The following AHRR variants were observed in gnomAD, a reference collection of about 807,000 sequenced individuals.
AHRR encodes the protein ahR repressor.
Under a neutral mutation model 44.0 loss-of-function variants are expected in AHRR, and 28 were observed. That is an observed-to-expected ratio of 0.64 (90% CI 0.47 to 0.87). The LOEUF (loss-of-function observed/expected upper bound fraction) is 0.87. Among genes scored for constraint, AHRR ranks in the 40% least tolerant of loss-of-function variants. AHRR has a pLI of 0.00. For missense variants in AHRR, 990 were observed against 953.9 expected, an observed-to-expected ratio of 1.04 and a Z score of -0.50; for synonymous variants, 434 against 407.0, an observed-to-expected ratio of 1.07 and a Z score of -0.80.
In AHRR at chr5:370,329, CCA is replaced by C. The variant is rs1743531102; in HGVS notation, c.245-6278_245-6277del. Among the ~76,000 whole-genome samples the C allele has an allele frequency of 6.6e-6, 1 of 152,330 alleles. No homozygotes were observed. The highest frequency in any genetic ancestry group is 1.9e-4 in the East Asian group (1 of 5,172). On this transcript the variant is annotated intron_variant, in intron 3 of 10. Coordinates refer to ENST00000684583, the MANE Select transcript of AHRR (RefSeq NM_001377236.1). The surrounding 1 kb of genome is among the most constrained non-coding windows in gnomAD (Gnocchi z 4.5). ...TACGGTTGTGCAGCATTTCCTGGAT[CCA>C]CAGTCAGGTCAGGCAATTCTGGGGC...
At position 434,119 on chromosome 5, in the gene AHRR, A is replaced by C; in HGVS notation, c.1379A>C (p.Tyr460Ser). 2 of 1,612,358 alleles carry C rather than the reference A, an allele frequency of 1.2e-6. No individual in the cohort carries two copies. Among genetic ancestry groups the C allele is most frequent in the Non-Finnish European group, 1.7e-6 (2 of 1,179,732 alleles). Residue 460 changes from tyrosine (Y) to serine (S), a missense_variant, in exon 11 of 11, where the codon TAC (tyrosine) becomes TCC (serine). Coordinates refer to ENST00000684583, the MANE Select transcript of AHRR (RefSeq NM_001377236.1). Reference protein sequence around the residue: ...SHPPSPSPSAYSSRTSRPMRD... With the variant: ...SHPPSPSPSASSSRTSRPMRD... ...CCGCCGAGCCCGTCCCCCAGTGCCT[A>C]CTCCAGCCGGACCAGCAGACCCATG...
At chr5:417,467 G>A (rs1735880421) in intron 5 of AHRR, among the ~76,000 whole-genome samples, 3 of 152,294 alleles carry the variant, frequency 2.0e-5, no homozygotes, top group Admixed American at 1.3e-4. Flanking sequence ...TGCAGGGCCC[G>A]AGTCTAGAGA....
rs1161436489 is a variant in AHRR at position 344,656 on chromosome 5, G to T, written c.62+692G>T. Among the ~76,000 whole-genome samples, 2 of 1,600 alleles carry T rather than the reference G, an allele frequency of 1.3e-3. 1 individual carries two copies. The highest frequency in any genetic ancestry group is 0.01 in the Admixed American group (2 of 200). 1.0% of individuals were successfully genotyped at this position (1,600 alleles called of 152,430 possible). A position where few individuals can be genotyped will look rare whatever the true frequency, so the allele number is the denominator to read the frequency against. ...TGTGTGTGTGAGGCTGTGTGTGCGC[G>T]GGGGGAGCTGTGTGTGTGTGGGTGT... is the stretch of plus-strand genomic sequence containing the variant. On this transcript the variant is annotated intron_variant, in intron 2 of 10. Transcript: ENST00000684583.
In AHRR at chr5:430,962, C is replaced by T. The variant is rs189589407; in HGVS notation, c.909-1501C>T. Among the ~76,000 whole-genome samples, 691 of 145,990 alleles carry T rather than the reference C, an allele frequency of 4.7e-3. 4 individuals are homozygous for T. The highest frequency in any genetic ancestry group is 0.018 in the African/African-American group (658 of 35,626). Reference sequence around the variant, plus strand: ...TGCTACATAGGTGCACAGAAAAGGACCTGGGGTCTCTGCAGGGCTCGGGCC... The same window carrying T: ...TGCTACATAGGTGCACAGAAAAGGATCTGGGGTCTCTGCAGGGCTCGGGCC... On this transcript the variant is annotated intron_variant, in intron 8 of 10. Coordinates refer to ENST00000684583, the MANE Select transcript of AHRR (RefSeq NM_001377236.1).
At chr5:344,863 T>C (rs1362621747) in intron 2 of AHRR, among the ~76,000 whole-genome samples, 1 of 96,004 alleles carries the variant, frequency 1.0e-5, no homozygotes, top group Non-Finnish European at 1.9e-5. Flanking sequence ...TGTGTGAGAC[T>C]GTGCAGGTGT....
intron 3 of AHRR, among the ~76,000 whole-genome samples, chr5:362,480 C>G (rs938902900): frequency 6.6e-6 from 1 of 152,216 alleles, no homozygotes; most frequent in African/African-American, 2.4e-5. Context: ...AACCCTTTCC[C>G]TCACCCCCTT....
At chr5:325,030 G>A (rs1156789207) in intron 1 of AHRR, among the ~76,000 whole-genome samples, 1 of 152,202 alleles carries the variant, frequency 6.6e-6, no homozygotes, top group African/African-American at 2.4e-5. Context: ...GTTGCAGGGC[G>A]AGTAGTCACT....
rs995266107 is a variant in AHRR, at chr5:428,020, G to A, written c.908+14G>A. The A allele has an allele frequency of 6.2e-6, 10 of 1,610,332 alleles. No individual in the cohort carries two copies. Among genetic ancestry groups the A allele is most frequent in the African/African-American group, 1.3e-5 (1 of 74,994 alleles). On this transcript the variant is annotated intron_variant, in intron 8 of 10. Coordinates refer to ENST00000684583, the MANE Select transcript of AHRR (RefSeq NM_001377236.1). ...CGCGGATGCAAAGTGAGTAAGACTCGCCCTTCACAGCCACATGGTGCCTGC... is the reference window on the plus strand; with the variant it reads ...CGCGGATGCAAAGTGAGTAAGACTCACCCTTCACAGCCACATGGTGCCTGC...
chr5:376,568 C>CGCGGGGCG, intron 3 of AHRR, 42 bp from the exon 4 acceptor site: 1 of 204,168 alleles, frequency 4.9e-6, no homozygotes, highest in South Asian at 4.6e-5. Context: ...GTGGCCAGGC[C>CGCGGGGCG]AAGGGTTGGG....
chr5:421,282 G>A, intron 5 of AHRR: 1 of 698,674 alleles, frequency 1.4e-6, no homozygotes, highest in Non-Finnish European at 2.6e-6. Flanking sequence ...GCACGGAACG[G>A]GCGAGGCTGT....
At chr5:329,476 G>A (rs1741840105) in intron 1 of AHRR, among the ~76,000 whole-genome samples, 7 of 152,316 alleles carry the variant, frequency 4.6e-5, no homozygotes, top group Admixed American at 1.3e-4. Flanking sequence ...AAAGTGCTAG[G>A]ATTACAAGTG....
chr5:400,872 T>C (rs1734987375), intron 4 of AHRR, among the ~76,000 whole-genome samples: 1 of 152,244 alleles, frequency 6.6e-6, no homozygotes. Context: ...GAACTATTAT[T>C]AGTAGGACAT....
chr5:423,762 C>G (rs1324866555), intron 6 of AHRR, 79 bp from the exon 7 acceptor site: 1 of 1,505,444 alleles, frequency 6.6e-7, no homozygotes, highest in Non-Finnish European at 8.9e-7. Flanking sequence ...CGCGTGAGAG[C>G]CGTGGGCGTG....
At chr5:348,512 T>G (rs1038127428) in intron 2 of AHRR, among the ~76,000 whole-genome samples, 1 of 152,162 alleles carries the variant, frequency 6.6e-6, no homozygotes, top group Non-Finnish European at 1.5e-5. Context: ...TTGTGGCCCC[T>G]CGTAATTCCT....
intron 7 of AHRR, chr5:427,559 G>T: frequency 6.4e-7 from 1 of 1,558,640 alleles, no homozygotes; most frequent in East Asian, 2.2e-5. Flanking sequence ...CCTGTCAAAG[G>T]CCGTCGCCGC....
intron 4 of AHRR, among the ~76,000 whole-genome samples, chr5:381,506 CTTTTT>C (rs781159124): frequency 1.1e-4 from 5 of 46,914 alleles, no homozygotes; most frequent in South Asian, 2.1e-3. Context: ...CTTAGGTTTG[CTTTTT>C]TTTTTTTTTT....
chr5:367,975 C>T (rs1254320188), intron 3 of AHRR: 5 of 701,778 alleles, frequency 7.1e-6, no homozygotes, highest in African/African-American at 3.5e-5. Context: ...AGCCACTGAC[C>T]GCCTGTAGTG....
chr5:343,568 A>G lies in AHRR; in HGVS notation c.-10-325A>G, dbSNP rs1742442179. On this transcript the variant is annotated intron_variant, in intron 1 of 10. Coordinates refer to ENST00000684583, the MANE Select transcript of AHRR (RefSeq NM_001377236.1). ...GCCCCGCCCGTTCCTGGCTTCCTCG[A>G]TGGCTTCCTCCTCAGGACGCCGGTC... 4 of 356,680 alleles carry G rather than the reference A, an allele frequency of 1.1e-5. No individual in the cohort carries two copies. The South Asian group carries it at 1.6e-4, about 14-fold the overall frequency. 22.1% of individuals were successfully genotyped at this position (356,680 alleles called of 1,614,324 possible).
At chr5:378,680 G>C (rs1733849268) in intron 4 of AHRR, among the ~76,000 whole-genome samples, 1 of 152,184 alleles carries the variant, frequency 6.6e-6, no homozygotes, top group African/African-American at 2.4e-5. Flanking sequence ...GGGAAACAAG[G>C]AGGAGGGCTC....
Sources: allele counts gnomAD v4.1 joint callset (sites outside exome capture counted in the v4.1 genomes callset), GRCh38; gene constraint gnomAD v4.1.1; non-coding constraint Gnocchi (gnomAD v3.1); transcripts MANE v1.5; gene names NCBI Gene and HGNC (gene_info 2026-07-23, HGNC 2026-07-21).